The following GMDS variants were observed in gnomAD, a reference collection of about 807,000 sequenced individuals.
The protein encoded by GMDS is GDP-mannose 4,6-dehydratase.
GMDS carries 20 observed loss-of-function variants against 49.9 expected under a neutral mutation model. The observed-to-expected ratio is 0.40, with a 90% CI of 0.28 to 0.58. The LOEUF (loss-of-function observed/expected upper bound fraction) is 0.58, where lower values mean the gene tolerates loss of function less well. Among genes scored for constraint, GMDS ranks in the 20% least tolerant of loss-of-function variants. GMDS has a pLI of 0.42. For missense variants in GMDS, 362 were observed against 481.4 expected, an observed-to-expected ratio of 0.75 and a Z score of 2.32; for synonymous variants, 177 against 178.6, an observed-to-expected ratio of 0.99 and a Z score of 0.07.
chr6:1,652,381 ATATATATATATTAT>A (rs1449592986), intron 9 of GMDS, among the ~76,000 whole-genome samples: 4 of 6,302 alleles, frequency 6.3e-4, no homozygotes, highest in African/African-American at 2.1e-3. Flanking sequence ...AAAAAAAAAA[ATATATATATATTAT>A]ATATATATAT....
At chr6:1,803,264 C>T (rs1053942409) in intron 7 of GMDS, among the ~76,000 whole-genome samples, 1 of 152,080 alleles carries the variant, frequency 6.6e-6, no homozygotes, top group African/African-American at 2.4e-5. Flanking sequence ...GGGATTGATA[C>T]GGCATTCTTG....
At chr6:2,048,107 C>T (rs1312010503) in intron 4 of GMDS, among the ~76,000 whole-genome samples, 1 of 152,190 alleles carries the variant, frequency 6.6e-6, no homozygotes, top group Non-Finnish European at 1.5e-5. Context: ...TGCTAACAGT[C>T]TCTGATGACC....
intron 8 of GMDS, among the ~76,000 whole-genome samples, chr6:1,734,703 T>G (rs889826045): frequency 1.3e-5 from 2 of 152,250 alleles, no homozygotes; most frequent in African/African-American, 4.8e-5. Context: ...TTCTTCTTTT[T>G]AGCAGTAGGA....
chr6:1,731,332 A>G (rs1304187653), intron 8 of GMDS, among the ~76,000 whole-genome samples: 2 of 152,222 alleles, frequency 1.3e-5, no homozygotes, highest in East Asian at 1.9e-4. Flanking sequence ...AAAATAAGTC[A>G]AGAATACTGA....
intron 7 of GMDS, among the ~76,000 whole-genome samples, chr6:1,864,458 T>A (rs1028260857): frequency 2.6e-5 from 4 of 152,216 alleles, no homozygotes; most frequent in African/African-American, 4.8e-5. Flanking sequence ...ATGATCAGAC[T>A]ACTAGTCAAA....
At position 2,115,860 on chromosome 6, in the gene GMDS, C is replaced by T; in HGVS notation, c.256G>A (p.Asp86Asn). Residue 86 changes from aspartate to asparagine, a missense_variant, in exon 4 of 11, where the codon GAT (aspartate) becomes AAT (asparagine). Transcript: ENST00000380815. ...ACAAGGCAGGTACTGTCAGTGAGAT[C>T]GCCATAGTGCAACTTCATGTCTTCA... ...IEGNMKLHYG[D>N]LTDSTCLVKI... The T allele has an allele frequency of 5.6e-6, 9 of 1,594,846 alleles. No individual in the cohort carries two copies. Among genetic ancestry groups the T allele is most frequent in the African/African-American group, 1.3e-5 (1 of 74,628 alleles).
intron 7 of GMDS, among the ~76,000 whole-genome samples, chr6:1,862,942 A>T (rs544590654): frequency 6.6e-6 from 1 of 152,354 alleles, no homozygotes; most frequent in East Asian, 1.9e-4. Flanking sequence ...CATCCCAAAA[A>T]TTGGATAAGT....
intron 1 of GMDS, among the ~76,000 whole-genome samples, chr6:2,130,245 G>A (rs374915038): frequency 6.6e-6 from 1 of 152,018 alleles, no homozygotes; most frequent in Non-Finnish European, 1.5e-5. Flanking sequence ...AGGAAATGAG[G>A]ATACCATCAA....
rs541059425 is a variant in GMDS, at chr6:2,202,003, G to C, written c.102+43318C>G. Among the ~76,000 whole-genome samples, 317 of 125,430 alleles carry C rather than the reference G, an allele frequency of 2.5e-3. 2 individuals are homozygous for C. Among genetic ancestry groups the C allele is most frequent in the Non-Finnish European group, 3.9e-3 (227 of 58,906 alleles). 82.3% of individuals were successfully genotyped at this position (125,430 alleles called of 152,430 possible). A position where few individuals can be genotyped will look rare whatever the true frequency, so the allele number is the denominator to read the frequency against. ...TTAGCAGAGAGGTGAAGGATGAAGA[G>C]AGAGCACCACATGGGCATCCGAGAT... On this transcript the variant is annotated intron_variant, in intron 1 of 10. Transcript: ENST00000380815.
intron 4 of GMDS, among the ~76,000 whole-genome samples, chr6:2,112,861 C>T (rs1458387690): frequency 6.6e-6 from 1 of 152,058 alleles, no homozygotes; most frequent in Non-Finnish European, 1.5e-5. Flanking sequence ...CCCTCTGCCT[C>T]CTCCACTTCA....
Position 1,768,145 on chromosome 6 carries a change from A to G in GMDS, c.772-25559T>C, listed in dbSNP as rs148166934. On this transcript the variant is annotated intron_variant, in intron 7 of 10. Coordinates refer to ENST00000380815, the MANE Select transcript of GMDS (RefSeq NM_001500.4). Reference sequence around the variant, plus strand: ...ACTGAGGCCTTTAAATATCTTTTAAATCAGGAAACAGGAAACCTTAATAGG... The same window carrying G: ...ACTGAGGCCTTTAAATATCTTTTAAGTCAGGAAACAGGAAACCTTAATAGG... 1.2e-3 allele frequency among the ~76,000 whole-genome samples: 178 copies of G among 152,336 alleles called. 1 individual carries two copies. Among genetic ancestry groups the G allele is most frequent in the Non-Finnish European group, 5.1e-4 (35 of 68,024 alleles).
chr6:2,088,468 A>G (rs891604168), intron 4 of GMDS, among the ~76,000 whole-genome samples: 1 of 152,238 alleles, frequency 6.6e-6, no homozygotes, highest in Non-Finnish European at 1.5e-5. Flanking sequence ...GGTTCCTCCT[A>G]TCAACCTCAT....
At chr6:2,175,981 G>A in intron 1 of GMDS, 1 of 1,533,658 alleles carries the variant, frequency 6.5e-7, no homozygotes, top group Non-Finnish European at 8.7e-7. Flanking sequence ...CCAACAAACT[G>A]CCTGTGTACA....
At chr6:1,813,063 T>A (rs562311360) in intron 7 of GMDS, among the ~76,000 whole-genome samples, 6 of 151,496 alleles carry the variant, frequency 4.0e-5, no homozygotes, top group South Asian at 4.2e-4. Context: ...ACCAAAAAAA[T>A]TTTTTTTAAT....
At position 2,061,020 on chromosome 6, in the gene GMDS, CA is replaced by C. The variant is rs1015651288; in HGVS notation, c.345+54750del. On this transcript the variant is annotated intron_variant, in intron 4 of 10. Transcript: ENST00000380815. ...CAGAGCAAGACTCCATCTAAAAAAA[CA>C]AAAAAAAAAAAGAAAGGGAAAGGGA... Among the ~76,000 whole-genome samples the C allele has an allele frequency of 3.1e-3, 402 of 130,830 alleles. 4 individuals are homozygous for C. Among genetic ancestry groups the C allele is most frequent in the African/African-American group, 8.9e-3 (315 of 35,344 alleles). The allele number at this position is 130,830 out of a possible 152,430, so 85.8% of individuals were successfully genotyped here. A position where few individuals can be genotyped will look rare whatever the true frequency, so the allele number is the denominator to read the frequency against.
At chr6:1,796,467 GA>G (rs760098775) in intron 7 of GMDS, among the ~76,000 whole-genome samples, 3 of 152,170 alleles carry the variant, frequency 2.0e-5, no homozygotes, top group African/African-American at 4.8e-5. Flanking sequence ...GTATACTGGA[GA>G]GGGGCCCAGG....
intron 1 of GMDS, among the ~76,000 whole-genome samples, chr6:2,240,719 C>T (rs1188791866): frequency 6.6e-6 from 1 of 151,938 alleles, no homozygotes; most frequent in African/African-American, 2.4e-5. Context: ...CTGGCACAAA[C>T]TAAATGCTCA....
chr6:1,753,857 C>T (rs1313547701), intron 7 of GMDS, among the ~76,000 whole-genome samples: 1 of 152,036 alleles, frequency 6.6e-6, no homozygotes, highest in Non-Finnish European at 1.5e-5. Flanking sequence ...CACAACACAC[C>T]AGAATCTCTG....
At chr6:2,141,029 A>T (rs1055792226) in intron 1 of GMDS, among the ~76,000 whole-genome samples, 1 of 152,240 alleles carries the variant, frequency 6.6e-6, no homozygotes, top group African/African-American at 2.4e-5. Flanking sequence ...GACATAAAAG[A>T]ATGAAAGAAG....
Sources: allele counts gnomAD v4.1 joint callset (sites outside exome capture counted in the v4.1 genomes callset), GRCh38; gene constraint gnomAD v4.1.1; transcripts MANE v1.5; gene names NCBI Gene and HGNC (gene_info 2026-07-23, HGNC 2026-07-21).